ACSBG1: variants seen among roughly 807,000 people sequenced by gnomAD.
The protein encoded by ACSBG1 is long-chain-fatty-acid--CoA ligase ACSBG1.
In ACSBG1, 39 loss-of-function variants were observed where a neutral mutation model predicts 80.2. That is an observed-to-expected ratio of 0.49 (90% CI 0.38 to 0.64). ACSBG1 has a LOEUF of 0.64. ACSBG1 is among the 30% of genes least tolerant of loss of function. ACSBG1 has a pLI of 0.00. For missense variants in ACSBG1, 828 were observed against 966.4 expected (o/e 0.86, Z 1.90); for synonymous variants, 392 against 379.5 (o/e 1.03, Z -0.38).
At chr15:78,181,840 A>G in intron 8 of ACSBG1, 129 bp downstream of exon 8, 1 of 1,243,934 alleles carries the variant, frequency 8.0e-7, no homozygotes, top group Non-Finnish European at 1.1e-6. Context: ...TGCCCACTGC[A>G]GCTGACAGAA....
At chr15:78,207,665 C>T (rs2075227921) in intron 2 of ACSBG1, 1 of 320,066 alleles carries the variant, frequency 3.1e-6, no homozygotes, top group Admixed American at 4.1e-5. Flanking sequence ...TGGGCTTTCT[C>T]CTGTCCCTCA....
Position 78,171,051 on chromosome 15 carries a change from G to A in ACSBG1, c.*393C>T, listed in dbSNP as rs1039178739. The A allele has an allele frequency of 4.2e-4, 65 of 156,616 alleles. No homozygotes were observed. Among genetic ancestry groups the A allele is most frequent in the Non-Finnish European group, 2.7e-4 (19 of 70,666 alleles). 9.7% of individuals were successfully genotyped at this position (156,616 alleles called of 1,614,324 possible). A position where few individuals can be genotyped will look rare whatever the true frequency, so the allele number is the denominator to read the frequency against. On this transcript the variant is annotated 3_prime_UTR_variant, in exon 14 of 14. Transcript: ENST00000258873. ...TGTGACTGATTGCTTTTCCTGCAGC[G>A]CACGTGAGCAGTATCAGCCATCTCT...
In ACSBG1 at chr15:78,193,616, T is replaced by C. The variant is rs916805089; in HGVS notation, c.553A>G (p.Thr185Ala). 1.2e-5 allele frequency: 20 copies of C among 1,613,120 alleles called. No homozygotes were observed. The East Asian group carries it at 4.5e-4, about 36-fold the overall frequency. The part of the protein sequence containing the change: ...VGTVFAGGIV[T>A]GIYTTSSPEA... ...GGGGAGCTGGTGGTGTAGATGCCAG[T>C]GACGATGCCACTGTAGGAGACCCAG... The change falls in exon 5 of 14, where the codon ACT becomes GCT. Residue 185 changes from threonine (T) to alanine (A), a missense_variant. Physicochemically the swap from Thr to Ala is moderately conservative, Grantham distance 58 (BLOSUM62 0). Transcript: ENST00000258873.
At chr15:78,175,979 C>T (rs2074878542) in intron 11 of ACSBG1, among the ~76,000 whole-genome samples, 1 of 151,446 alleles carries the variant, frequency 6.6e-6, no homozygotes, top group Non-Finnish European at 1.5e-5. Flanking sequence ...TAAAAAAAAC[C>T]CTTAGCAAAC....
At chr15:78,193,722 TC>T in intron 4 of ACSBG1, 96 bp from the exon 5 acceptor site, 1 of 1,386,084 alleles carries the variant, frequency 7.2e-7, no homozygotes, top group Non-Finnish European at 9.4e-7. Flanking sequence ...CCCAGAGAGC[TC>T]CCATAGCCTG....
chr15:78,234,023 G>C (rs1458119405), intron 1 of ACSBG1, among the ~76,000 whole-genome samples: 3 of 152,204 alleles, frequency 2.0e-5, no homozygotes, highest in African/African-American at 4.8e-5. Flanking sequence ...AAACTTATCT[G>C]TCTTTGACCC....
At chr15:78,217,835 G>C (rs964428854) in intron 1 of ACSBG1, among the ~76,000 whole-genome samples, 1 of 152,084 alleles carries the variant, frequency 6.6e-6, no homozygotes, top group African/African-American at 2.4e-5. Context: ...AAAAGTGCTG[G>C]GATTACAGGC....
Position 78,167,824 on chromosome 15 carries a change from A to T in ACSBG1, c.*3620T>A, listed in dbSNP as rs549954731. On this transcript the variant is annotated 3_prime_UTR_variant, in exon 14 of 14. Coordinates refer to ENST00000258873, the MANE Select transcript of ACSBG1 (RefSeq NM_015162.5). Reference sequence around the variant, plus strand: ...ATCTTCAAAGTTGGTCCCTTCTTTTAAAAAAATTCTGTAATTTGAAATTAT... The same window carrying T: ...ATCTTCAAAGTTGGTCCCTTCTTTTTAAAAAATTCTGTAATTTGAAATTAT... 1 of 152,324 alleles carries T rather than the reference A, an allele frequency of 6.6e-6. No homozygotes were observed. The highest frequency in any genetic ancestry group is 2.1e-4 in the South Asian group (1 of 4,826). The allele number at this position is 152,324 out of a possible 1,614,324, so 9.4% of individuals were successfully genotyped here.
At chr15:78,204,071 C>G (rs2075192052) in intron 2 of ACSBG1, among the ~76,000 whole-genome samples, 1 of 152,192 alleles carries the variant, frequency 6.6e-6, no homozygotes. Context: ...AGTAGTTCCT[C>G]TGTGTCTGAG....
chr15:78,200,641 G>A (rs973172552), intron 2 of ACSBG1, among the ~76,000 whole-genome samples: 1 of 152,054 alleles, frequency 6.6e-6, no homozygotes, highest in African/African-American at 2.4e-5. Flanking sequence ...TGCCTCTCAC[G>A]GTGAACTTCA....
At position 78,205,437 on chromosome 15, in the gene ACSBG1, G is replaced by C. The variant is rs535200376; in HGVS notation, c.232+2565C>G. Among the ~76,000 whole-genome samples the C allele has an allele frequency of 3.3e-4, 51 of 152,272 alleles. No homozygotes were observed. The Middle Eastern group carries it at 0.01, about 30-fold the overall frequency. ...TGCCAGTGTCTGCAGTTAGATGAAAGGGAGGCAGGGGCTGGCCAGACTTGT... is the reference window on the plus strand; with the variant it reads ...TGCCAGTGTCTGCAGTTAGATGAAACGGAGGCAGGGGCTGGCCAGACTTGT... On this transcript the variant is annotated intron_variant, in intron 2 of 13. Coordinates refer to ENST00000258873, the MANE Select transcript of ACSBG1 (RefSeq NM_015162.5).
chr15:78,196,261 C>T (rs1163975320), intron 2 of ACSBG1, among the ~76,000 whole-genome samples: 2 of 152,238 alleles, frequency 1.3e-5, no homozygotes, highest in African/African-American at 4.8e-5. Context: ...CCTCTCCAAG[C>T]CTTGCCCCAT....
chr15:78,216,314 T>C (rs754434789), intron 1 of ACSBG1, among the ~76,000 whole-genome samples: 1 of 152,166 alleles, frequency 6.6e-6, no homozygotes, highest in Non-Finnish European at 1.5e-5. Flanking sequence ...TGAACAAAGA[T>C]GCATTCTTTG....
At position 78,171,143 on chromosome 15, in the gene ACSBG1, T is replaced by C. The variant is rs2074816496; in HGVS notation, c.*301A>G. 3.9e-6 allele frequency: 1 copy of C among 258,468 alleles called. No homozygotes were observed. The allele number at this position is 258,468 out of a possible 1,614,324, so 16.0% of individuals were successfully genotyped here. A position where few individuals can be genotyped will look rare whatever the true frequency, so the allele number is the denominator to read the frequency against. On this transcript the variant is annotated 3_prime_UTR_variant, in exon 14 of 14. Transcript: ENST00000258873. Reference sequence around the variant, plus strand: ...TGAGCTAGCAGCTTTTTAATCTACCTGGAACTAAGGCCAAAAATTATCAGC... The same window carrying C: ...TGAGCTAGCAGCTTTTTAATCTACCCGGAACTAAGGCCAAAAATTATCAGC...
intron 1 of ACSBG1, among the ~76,000 whole-genome samples, chr15:78,233,053 G>C (rs767841338): frequency 1.3e-5 from 2 of 152,212 alleles, no homozygotes; most frequent in Non-Finnish European, 2.9e-5. Flanking sequence ...ACAGACCCCA[G>C]GGAGGAGGGG....
At position 78,168,682 on chromosome 15, in the gene ACSBG1, T is replaced by C; in HGVS notation, c.*2762A>G. On this transcript the variant is annotated 3_prime_UTR_variant, in exon 14 of 14. Transcript: ENST00000258873. ...ATTTTGGTAAAGCTCCCTGCCTCCC[T>C]TTGCATCAAGAGCACCTTATTCTTT... 3.1e-6 allele frequency: 1 copy of C among 324,312 alleles called. No homozygotes were observed. 20.1% of individuals were successfully genotyped at this position (324,312 alleles called of 1,614,324 possible). A position where few individuals can be genotyped will look rare whatever the true frequency, so the allele number is the denominator to read the frequency against.
intron 8 of ACSBG1, among the ~76,000 whole-genome samples, chr15:78,181,619 T>G (rs892177659): frequency 4.7e-5 from 7 of 147,946 alleles, no homozygotes; most frequent in Middle Eastern, 3.6e-3. Flanking sequence ...TCAGCCTCCC[T>G]AGTAGCTGGG....
In ACSBG1 at chr15:78,191,517, A is replaced by G. The variant is rs150404788; in HGVS notation, c.663+1989T>C. Among the ~76,000 whole-genome samples, 296 of 152,288 alleles carry G rather than the reference A, an allele frequency of 1.9e-3. 2 individuals are homozygous for G. Among genetic ancestry groups the G allele is most frequent in the African/African-American group, 6.5e-3 (269 of 41,550 alleles). On this transcript the variant is annotated intron_variant, in intron 5 of 13. Transcript: ENST00000258873. ...AATTGATCATTATTCTATCACACCT[A>G]CTCTGTACAAACAGAGTGTCTCAGG...
intron 5 of ACSBG1, among the ~76,000 whole-genome samples, chr15:78,186,115 G>T (rs1340110891): frequency 1.3e-5 from 2 of 152,118 alleles, no homozygotes; most frequent in African/African-American, 4.8e-5. Flanking sequence ...AGCTCTTCTT[G>T]TTGAATTGAC....
Sources: allele counts gnomAD v4.1 joint callset (sites outside exome capture counted in the v4.1 genomes callset), GRCh38; gene constraint gnomAD v4.1.1; transcripts MANE v1.5; gene names NCBI Gene and HGNC (gene_info 2026-07-23, HGNC 2026-07-21).